The following ODAD2 variants were observed in gnomAD, a reference collection of about 807,000 sequenced individuals.
ODAD2 encodes the protein outer dynein arm-docking complex subunit 2.
Under a neutral mutation model 106.8 loss-of-function variants are expected in ODAD2, and 89 were observed. The observed-to-expected ratio is 0.83, with a 90% CI of 0.70 to 0.99. The LOEUF (loss-of-function observed/expected upper bound fraction) is 0.99, where lower values mean the gene tolerates loss of function less well. Ranked by LOEUF, ODAD2 falls within the 50% of genes least tolerant of loss-of-function variation. The probability of loss-of-function intolerance (pLI) is 0.00; values close to 1 mark genes in which losing one functional copy is unlikely to be tolerated. For missense variants in ODAD2, 1,168 were observed against 1,238.5 expected, an observed-to-expected ratio of 0.94 and a Z score of 0.85; for synonymous variants, 404 against 436.2, an observed-to-expected ratio of 0.93 and a Z score of 0.92.
chr10:27,857,121 C>T (rs11006745), intron 19 of ODAD2, among the ~76,000 whole-genome samples: 85,857 of 151,848 alleles, frequency 0.57, 25,158 homozygotes, highest in Middle Eastern at 0.69. Flanking sequence ...TTTCTTCAGC[C>T]TCTGCCACTC....
In ODAD2 at chr10:27,860,795, T is replaced by C; in HGVS notation, c.2851A>G (p.Met951Val). ...AAGGCCACTCTATTCCTGCCCCACA[T>C]ACAGCAACGTGAAATAGCTTCTGCT... ...HLAEAISRCCMWGRNRVAFGE... is the reference protein window; with the variant it reads ...HLAEAISRCCVWGRNRVAFGE... The change falls in exon 19 of 20, where the codon ATG becomes GTG. Residue 951 changes from methionine (M) to valine (V), a missense_variant. Met to Val is a conservative substitution (Grantham distance 21). Transcript: ENST00000305242. The C allele has an allele frequency of 6.2e-7, 1 of 1,614,192 alleles. No individual in the cohort carries two copies.
At chr10:27,988,337 C>CTTT (rs5784035) in intron 2 of ODAD2, among the ~76,000 whole-genome samples, 4 of 128,790 alleles carry the variant, frequency 3.1e-5, no homozygotes, top group Admixed American at 8.0e-5. Context: ...CCTGATCTAG[C>CTTT]TTTTTTTTTT....
chr10:27,958,637 C>T (rs1364607964), intron 10 of ODAD2, among the ~76,000 whole-genome samples: 1 of 152,206 alleles, frequency 6.6e-6, no homozygotes, highest in East Asian at 1.9e-4. Context: ...TCAGTTAAGT[C>T]TCCATGCCAC....
chr10:27,989,665 T>A (rs1005834491), intron 2 of ODAD2, among the ~76,000 whole-genome samples: 1 of 152,120 alleles, frequency 6.6e-6, no homozygotes, highest in African/African-American at 2.4e-5. Context: ...AGCCTGTAAC[T>A]TAACAGAGAA....
rs1849531453 is a variant in ODAD2 at position 27,981,334 on chromosome 10, T to A, written c.936+132A>T. On this transcript the variant is annotated intron_variant, in intron 7 of 19. Transcript: ENST00000305242. ...TTTACAGTATTTTTATGTTATGTTA[T>A]GTTGTAAAAAAAAACCACTAATAAT... 5 of 721,272 alleles carry A rather than the reference T, an allele frequency of 6.9e-6. No homozygotes were observed. In the Admixed American group the frequency reaches 1.5e-4, roughly 21 times the overall value. 44.7% of individuals were successfully genotyped at this position (721,272 alleles called of 1,614,324 possible). A position where few individuals can be genotyped will look rare whatever the true frequency, so the allele number is the denominator to read the frequency against.
chr10:27,856,813 A>C (rs1839686287), intron 19 of ODAD2, among the ~76,000 whole-genome samples: 1 of 152,156 alleles, frequency 6.6e-6, no homozygotes, highest in East Asian at 1.9e-4. Flanking sequence ...CTAAGAAGAC[A>C]AAAATTAGTC....
At chr10:27,911,864 C>G (rs909545697) in intron 16 of ODAD2, among the ~76,000 whole-genome samples, 2 of 152,164 alleles carry the variant, frequency 1.3e-5, no homozygotes, top group Non-Finnish European at 2.9e-5. Context: ...TCCCACCACA[C>G]TCCCAGCAGG....
chr10:27,931,236 A>G (rs1273599574), intron 16 of ODAD2, among the ~76,000 whole-genome samples: 1 of 152,230 alleles, frequency 6.6e-6, no homozygotes, highest in Non-Finnish European at 1.5e-5. Context: ...AGCATATTAC[A>G]TATGGGTCAA....
rs200928629 is a variant in ODAD2, at chr10:27,940,549, A to G, written c.1986+14T>C. The G allele has an allele frequency of 6.2e-7, 1 of 1,612,032 alleles. No individual in the cohort carries two copies. Among genetic ancestry groups the G allele is most frequent in the African/African-American group, 1.3e-5 (1 of 75,030 alleles). ...AAGTTGAGAAGGCAAGGGAAGCAGA[A>G]CTGGCATGAGTACCTCTGATGCACA... On this transcript the variant is annotated intron_variant, in intron 13 of 19. Coordinates refer to ENST00000305242, the MANE Select transcript of ODAD2 (RefSeq NM_018076.5).
chr10:27,850,218 G>C (rs534110721), intron 19 of ODAD2, among the ~76,000 whole-genome samples: 1 of 152,134 alleles, frequency 6.6e-6, no homozygotes, highest in Non-Finnish European at 1.5e-5. Context: ...GCCAAGACGG[G>C]TGAATCACTT....
At chr10:27,962,589 A>G (rs765009287) in intron 9 of ODAD2, among the ~76,000 whole-genome samples, 10 of 152,244 alleles carry the variant, frequency 6.6e-5, no homozygotes, top group East Asian at 1.9e-4. Context: ...CAAAGAGTTA[A>G]CCACCAACTC....
intron 7 of ODAD2, among the ~76,000 whole-genome samples, 180 bp from the exon 8 acceptor site, chr10:27,971,493 A>C (rs1588637381): frequency 6.6e-6 from 1 of 152,190 alleles, no homozygotes; most frequent in Non-Finnish European, 1.5e-5. Context: ...TTAGGTGGAC[A>C]GTAACGTGAT....
chr10:27,885,583 TATAA>T (rs1842061346), intron 17 of ODAD2, among the ~76,000 whole-genome samples: 2 of 69,770 alleles, frequency 2.9e-5, no homozygotes, highest in African/African-American at 1.2e-4. Flanking sequence ...TATATAAATA[TATAA>T]ATATAAATAT....
intron 17 of ODAD2, among the ~76,000 whole-genome samples, chr10:27,876,023 T>G (rs1349883133): frequency 2.0e-5 from 3 of 152,098 alleles, no homozygotes; most frequent in Non-Finnish European, 4.4e-5. Context: ...TGCTGAGGCT[T>G]GAGTAGGTAA....
chr10:27,958,201 A>G (rs1847864745), intron 10 of ODAD2, among the ~76,000 whole-genome samples: 1 of 152,232 alleles, frequency 6.6e-6, no homozygotes. Flanking sequence ...CACATGATTT[A>G]TTGATGAATA....
At chr10:27,998,642 G>C (rs71489606) in intron 1 of ODAD2, among the ~76,000 whole-genome samples, 1 of 151,942 alleles carries the variant, frequency 6.6e-6, no homozygotes, top group Non-Finnish European at 1.5e-5. Context: ...ATGGGGCTGG[G>C]AGAGAGAAGG....
At chr10:27,965,029 G>T (rs1047051918) in intron 9 of ODAD2, among the ~76,000 whole-genome samples, 1 of 152,204 alleles carries the variant, frequency 6.6e-6, no homozygotes, top group Non-Finnish European at 1.5e-5. Flanking sequence ...GGAGGCAACA[G>T]TCAGTAAGAC....
At chr10:27,862,779 G>A (rs1840147259) in intron 17 of ODAD2, among the ~76,000 whole-genome samples, 157 bp from the exon 18 acceptor site, 1 of 119,860 alleles carries the variant, frequency 8.3e-6, no homozygotes, top group Admixed American at 9.4e-5. Flanking sequence ...ATTTCTACAT[G>A]TATATGTATA....
intron 17 of ODAD2, among the ~76,000 whole-genome samples, chr10:27,884,179 A>C (rs1249187069): frequency 6.6e-6 from 1 of 152,098 alleles, no homozygotes. Context: ...AGAGAAAATG[A>C]CTCAAACAAG....
Sources: gnomAD v4.1 joint callset for allele counts (sites outside exome capture counted in the v4.1 genomes callset) on GRCh38, gnomAD v4.1.1 for gene constraint, MANE v1.5 for transcripts, NCBI Gene and HGNC (gene_info 2026-07-23, HGNC 2026-07-21) for gene names.